Variants in VIPAS39 observed in about 807,000 individuals in gnomAD.
VIPAS39 encodes the protein spermatogenesis-defective protein 39 homolog.
Under a neutral mutation model 84.7 loss-of-function variants are expected in VIPAS39, and 63 were observed. That is an observed-to-expected ratio of 0.74 (90% confidence interval 0.61 to 0.92). VIPAS39 has a LOEUF of 0.92. VIPAS39 is among the 40% of genes least tolerant of loss of function. VIPAS39 has a pLI of 0.00. For synonymous variants in VIPAS39, 192 were observed against 216.5 expected (o/e 0.89, Z 0.99); for missense variants, 499 against 604.5 (o/e 0.83, Z 1.83).
chr14:77,457,256 G>C, intron 1 of VIPAS39: 1 of 1,534,728 alleles, frequency 6.5e-7, no homozygotes, highest in African/African-American at 1.4e-5. Context: ...GCGGATCCCT[G>C]GCAGAGTTAA....
At chr14:77,453,878 A>C (rs1011648855) in intron 2 of VIPAS39, 132 bp downstream of exon 2, 2 of 833,098 alleles carry the variant, frequency 2.4e-6, no homozygotes, top group Non-Finnish European at 4.0e-6. Flanking sequence ...GCTGGATTTT[A>C]CAATCCTTCT....
At chr14:77,437,204 A>T (rs2078626352) in intron 12 of VIPAS39, among the ~76,000 whole-genome samples, 1 of 152,234 alleles carries the variant, frequency 6.6e-6, no homozygotes, top group African/African-American at 2.4e-5. Flanking sequence ...ACCTGTCTTG[A>T]AAGATACAGG....
At chr14:77,454,483 T>C (rs2078930722) in intron 1 of VIPAS39, among the ~76,000 whole-genome samples, 1 of 152,258 alleles carries the variant, frequency 6.6e-6, no homozygotes, top group East Asian at 1.9e-4. Flanking sequence ...GAGACCAGCC[T>C]GACCAACATG....
intron 9 of VIPAS39, 137 bp from the exon 10 acceptor site, chr14:77,442,799 C>A: frequency 1.2e-6 from 1 of 850,406 alleles, no homozygotes; most frequent in South Asian, 1.4e-5. Flanking sequence ...ACCCCTATGT[C>A]TTAATTCACC....
At chr14:77,456,016 C>A (rs577445743) in intron 1 of VIPAS39, among the ~76,000 whole-genome samples, 1 of 152,220 alleles carries the variant, frequency 6.6e-6, no homozygotes, top group East Asian at 1.9e-4. Flanking sequence ...GGATAAATGA[C>A]TTTACTTCTA....
At chr14:77,447,069 TC>T (rs985825355) in intron 7 of VIPAS39, among the ~76,000 whole-genome samples, 9 of 151,096 alleles carry the variant, frequency 6.0e-5, no homozygotes, top group African/African-American at 2.2e-4. Context: ...AAGATGGAGT[TC>T]CGCTCTTGTT....
At chr14:77,453,889 G>T in intron 2 of VIPAS39, 121 bp downstream of exon 2, 1 of 881,092 alleles carries the variant, frequency 1.1e-6, no homozygotes, top group Non-Finnish European at 1.9e-6. Flanking sequence ...CAATCCTTCT[G>T]GCTCTTTTCT....
intron 1 of VIPAS39, chr14:77,457,235 G>C (rs1238687037): frequency 1.3e-6 from 2 of 1,530,440 alleles, no homozygotes; most frequent in Non-Finnish European, 1.7e-6. Flanking sequence ...TACCGCAGTC[G>C]TCAGAGCCCA....
At chr14:77,447,401 C>T (rs1168955903) in intron 7 of VIPAS39, among the ~76,000 whole-genome samples, 3 of 151,808 alleles carry the variant, frequency 2.0e-5, no homozygotes, top group Non-Finnish European at 4.4e-5. Flanking sequence ...TAGTCTTGAA[C>T]TCCTGGGCTC....
rs1414601759 is a variant in VIPAS39, at chr14:77,444,356, C to A, written c.505-15G>T. 1.2e-6 allele frequency: 2 copies of A among 1,605,814 alleles called. No homozygotes were observed. The highest frequency in any genetic ancestry group is 1.7e-6 in the Non-Finnish European group (2 of 1,172,974). On this transcript the variant is annotated splice_polypyrimidine_tract_variant and intron_variant, in intron 7 of 19. Transcript: ENST00000557658. ...AGTGAGCAAACCTGGCAGAATAACACTAGAATTAGTACACAAGAAGACAGT... is the reference window on the plus strand; with the variant it reads ...AGTGAGCAAACCTGGCAGAATAACAATAGAATTAGTACACAAGAAGACAGT...
chr14:77,443,337 G>A (rs889277379), intron 8 of VIPAS39, among the ~76,000 whole-genome samples, 185 bp from the exon 9 acceptor site: 1 of 152,140 alleles, frequency 6.6e-6, no homozygotes, highest in African/African-American at 2.4e-5. Flanking sequence ...CCACACACCC[G>A]TGCCCATGCT....
rs762123926 is a variant in VIPAS39, at chr14:77,429,676, A to G, written c.1266+5T>C. 9 of 1,614,006 alleles carry G rather than the reference A, an allele frequency of 5.6e-6. No homozygotes were observed. In the Admixed American group the frequency reaches 1.5e-4, roughly 27 times the overall value. ...CTGTACCCAACTCTCTTCAGGACCC[A>G]TTACCTGCACAGGGGCATTGTTCTT... On this transcript the variant is annotated splice_donor_5th_base_variant and intron_variant, in intron 17 of 19. Coordinates refer to ENST00000557658, the MANE Select transcript of VIPAS39 (RefSeq NM_001193315.2).
intron 8 of VIPAS39, among the ~76,000 whole-genome samples, chr14:77,444,041 CA>C (rs35983631): frequency 7.6e-4 from 97 of 127,800 alleles, no homozygotes; most frequent in Middle Eastern, 4.2e-3. Context: ...ACCCTGTCTC[CA>C]AAAAAAAAAA....
chr14:77,454,247 T>C (rs2078927067), intron 1 of VIPAS39, 145 bp from the exon 2 acceptor site: 1 of 744,404 alleles, frequency 1.3e-6, no homozygotes, highest in East Asian at 2.7e-5. Flanking sequence ...GAACCTGCCA[T>C]ATAAAACCAG....
chr14:77,428,591 T>G (rs756875954), intron 18 of VIPAS39, 117 bp from the exon 19 acceptor site: 5 of 807,788 alleles, frequency 6.2e-6, no homozygotes, highest in Non-Finnish European at 1.0e-5. Flanking sequence ...GGCTCCTGAG[T>G]AGCTGGAACT....
At chr14:77,444,963 A>AT (rs879536978) in intron 7 of VIPAS39, among the ~76,000 whole-genome samples, 63,056 of 143,294 alleles carry the variant, frequency 0.44, 15,779 homozygotes, top group East Asian at 0.91. Context: ...TAGTTCAGTG[A>AT]TTTTTTTTTT....
chr14:77,450,710 A>G (rs1049453304), intron 4 of VIPAS39, among the ~76,000 whole-genome samples: 1 of 152,186 alleles, frequency 6.6e-6, no homozygotes, highest in Non-Finnish European at 1.5e-5. Context: ...GGGTTTCACC[A>G]TATTGGTAGG....
chr14:77,450,606 G>A (rs908122941), intron 4 of VIPAS39, among the ~76,000 whole-genome samples: 2 of 152,112 alleles, frequency 1.3e-5, no homozygotes, highest in East Asian at 1.9e-4. Flanking sequence ...TGCCTCCCAG[G>A]TTCTAGCAAT....
At chr14:77,440,182 C>G (rs540177922) in intron 11 of VIPAS39, 2 of 148,650 alleles carry the variant, frequency 1.3e-5, no homozygotes, top group Non-Finnish European at 3.0e-5. Flanking sequence ...CCGTGCTTGG[C>G]TGGAAATTCT....
Sources: allele counts gnomAD v4.1 joint callset (sites outside exome capture counted in the v4.1 genomes callset), GRCh38; gene constraint gnomAD v4.1.1; transcripts MANE v1.5; gene names NCBI Gene and HGNC (gene_info 2026-07-23, HGNC 2026-07-21).